AGAP4: variants seen among roughly 807,000 people sequenced by gnomAD.
AGAP4 encodes the protein ArfGAP with GTPase domain, ankyrin repeat and PH domain 4.
In AGAP4, 13 loss-of-function variants were observed where a neutral mutation model predicts 60.7. The ratio of observed to expected loss-of-function variants is 0.21; its 90% CI spans 0.14 to 0.34. The LOEUF is 0.34. AGAP4 is among the 10% of genes least tolerant of loss of function. AGAP4 has a pLI of 1.00. For synonymous variants in AGAP4, 70 were observed against 339.0 expected, an observed-to-expected ratio of 0.21 and a Z score of 8.72; for missense variants, 169 against 884.0, an observed-to-expected ratio of 0.19 and a Z score of 10.26.
chr10:45,840,886 A>C (rs1188229092), intron 4 of AGAP4, among the ~76,000 whole-genome samples: 1 of 65,468 alleles, frequency 1.5e-5, no homozygotes, highest in Non-Finnish European at 2.9e-5. Flanking sequence ...CTTAGCAGTG[A>C]ATAATATTTG....
intron 5 of AGAP4, 48 bp from the exon 6 acceptor site, chr10:45,831,477 G>A: frequency 3.2e-6 from 5 of 1,581,288 alleles, no homozygotes; most frequent in Non-Finnish European, 4.3e-6. Flanking sequence ...CATTTGTTAG[G>A]CCTGAAGACA....
chr10:45,853,640 G>A (rs1187624376), intron 1 of AGAP4: 60 of 1,286,430 alleles, frequency 4.7e-5, no homozygotes, highest in Admixed American at 2.8e-4. Context: ...GCCATGGATC[G>A]GGAGACCAAG....
At chr10:45,831,249 G>A (rs1249336623) in intron 6 of AGAP4, 145 bp downstream of exon 6, 16 of 957,222 alleles carry the variant, frequency 1.7e-5, no homozygotes, top group Non-Finnish European at 2.3e-5. Context: ...GAGTCTTAAG[G>A]AACAAAGAAA....
At chr10:45,849,331 A>AG (rs2059051068), upstream of AGAP4, among the ~76,000 whole-genome samples, 2 of 151,678 alleles carry the variant, frequency 1.3e-5, no homozygotes, top group African/African-American at 4.8e-5. Context: ...ACCTCCCCCT[A>AG]GGCCCCTCCC....
chr10:45,826,465 C>A lies in AGAP4; in HGVS notation c.1511G>T (p.Gly504Val). ...GCGGGTGCCAAGACTGCGGTGGATT[C>A]CTGAGCATTCAATACACATGAGGAC... ...LGVLMCIECS[G>V]IHRSLGTRLS... The change falls in exon 8 of 8, where the codon GGA (glycine) becomes GTA (valine). Residue 504 changes from glycine to valine, a missense_variant. Coordinates refer to ENST00000616763, the MANE Select transcript of AGAP4 (RefSeq NM_001276343.3). 1 of 1,604,040 alleles carries A rather than the reference C, an allele frequency of 6.2e-7. No individual in the cohort carries two copies. Among genetic ancestry groups the A allele is most frequent in the Non-Finnish European group, 8.5e-7 (1 of 1,175,368 alleles).
upstream of AGAP4, chr10:45,854,183 G>A (rs2059114738): frequency 4.8e-6 from 1 of 207,738 alleles, no homozygotes; most frequent in African/African-American, 2.3e-5. Flanking sequence ...CAAGGTTTGA[G>A]TCTGAACTGT....
At chr10:45,834,826 T>G (rs2058791353) in intron 4 of AGAP4, among the ~76,000 whole-genome samples, 1 of 145,790 alleles carries the variant, frequency 6.9e-6, no homozygotes, top group African/African-American at 2.8e-5. Flanking sequence ...CAGACTGGAG[T>G]GCAGTGGCGC....
upstream of AGAP4, among the ~76,000 whole-genome samples, chr10:45,848,543 CAA>C (rs1554899917): frequency 6.6e-6 from 1 of 151,482 alleles, no homozygotes; most frequent in Non-Finnish European, 1.5e-5. Context: ...CCCTCAGAAA[CAA>C]TCTCATGTTA....
chr10:45,846,921 G>A (rs1369634035), intron 1 of AGAP4, among the ~76,000 whole-genome samples, 166 bp from the exon 2 acceptor site: 4 of 151,372 alleles, frequency 2.6e-5, no homozygotes, highest in Non-Finnish European at 5.9e-5. Context: ...GGGAGGGGAG[G>A]CGAAAAGAAA....
upstream of AGAP4, among the ~76,000 whole-genome samples, chr10:45,852,226 A>C (rs2059093122): frequency 3.4e-5 from 5 of 145,656 alleles, no homozygotes; most frequent in Admixed American, 6.8e-5. Flanking sequence ...TTAAAAAAAA[A>C]AAAAAAAAAA....
Position 45,830,265 on chromosome 10 carries a change from C to G in AGAP4, c.533+1129G>C, listed in dbSNP as rs1590016902. 2.1e-5 allele frequency among the ~76,000 whole-genome samples: 3 copies of G among 143,450 alleles called. No homozygotes were observed. The Middle Eastern group carries it at 0.011, about 524-fold the overall frequency. The allele number at this position is 143,450 out of a possible 152,430, so 94.1% of individuals were successfully genotyped here. Reference sequence around the variant, plus strand: ...TCGGCTCACTGCAACCTCCACCTCCCAGGCTCAAGCGATTCTCCTGCCTCA... The same window carrying G: ...TCGGCTCACTGCAACCTCCACCTCCGAGGCTCAAGCGATTCTCCTGCCTCA... On this transcript the variant is annotated intron_variant, in intron 6 of 7. Transcript: ENST00000616763.
chr10:45,842,699 T>C (rs2058939016), intron 3 of AGAP4, among the ~76,000 whole-genome samples: 1 of 141,452 alleles, frequency 7.1e-6, no homozygotes, highest in East Asian at 2.1e-4. Context: ...CTGCCTTTGA[T>C]GCTGGGAGGG....
chr10:45,853,942 T>C, upstream of AGAP4: 2 of 1,160,620 alleles, frequency 1.7e-6, no homozygotes, highest in Non-Finnish European at 2.2e-6. Flanking sequence ...CATTCATATA[T>C]GTTTATCTCT....
chr10:45,840,007 T>G (rs375779432), intron 4 of AGAP4, among the ~76,000 whole-genome samples: 7 of 150,040 alleles, frequency 4.7e-5, no homozygotes, highest in African/African-American at 9.9e-5. Flanking sequence ...AGCATCTGAA[T>G]AACAAGACTA....
intron 5 of AGAP4, among the ~76,000 whole-genome samples, chr10:45,832,974 GC>G (rs1440700940): frequency 6.6e-6 from 1 of 150,650 alleles, no homozygotes; most frequent in Non-Finnish European, 1.5e-5. Flanking sequence ...GAGGAAAAAA[GC>G]ACGAAATTTG....
intron 3 of AGAP4, among the ~76,000 whole-genome samples, chr10:45,842,664 C>T (rs1319089475): frequency 2.1e-5 from 3 of 146,236 alleles, no homozygotes; most frequent in Non-Finnish European, 4.4e-5. Context: ...GGGACTTGGG[C>T]CATGCTTTGT....
rs79525020 is a variant in AGAP4, at chr10:45,845,405, A to T, written c.293-1011T>A. Among the ~76,000 whole-genome samples, 276 of 99,634 alleles carry T rather than the reference A, an allele frequency of 2.8e-3. 98 individuals carry two copies. The East Asian group carries it at 0.071, about 26-fold the overall frequency. 65.4% of individuals were successfully genotyped at this position (99,634 alleles called of 152,430 possible). A position where few individuals can be genotyped will look rare whatever the true frequency, so the allele number is the denominator to read the frequency against. ...AAACAATAAGCCTACTGGATGTAAT[A>T]TGTTTATGATGCAATGTTTTCTATT... is the stretch of plus-strand genomic sequence containing the variant. On this transcript the variant is annotated intron_variant, in intron 2 of 7. Coordinates refer to ENST00000616763, the MANE Select transcript of AGAP4 (RefSeq NM_001276343.3).
At chr10:45,832,135 G>T (rs1294411531) in intron 5 of AGAP4, among the ~76,000 whole-genome samples, 5 of 139,324 alleles carry the variant, frequency 3.6e-5, no homozygotes, top group Non-Finnish European at 7.9e-5. Context: ...CTACTAATAG[G>T]TCTACACAAT....
upstream of AGAP4, among the ~76,000 whole-genome samples, chr10:45,851,781 A>G (rs1222198438): frequency 7.2e-5 from 11 of 152,128 alleles, no homozygotes; most frequent in South Asian, 2.1e-4. Flanking sequence ...GGTGCCTGCA[A>G]TCTGGATCAG....
Sources: allele counts gnomAD v4.1 joint callset (sites outside exome capture counted in the v4.1 genomes callset), GRCh38; gene constraint gnomAD v4.1.1; transcripts MANE v1.5; gene names NCBI Gene and HGNC (gene_info 2026-07-23, HGNC 2026-07-21).